The following POLN variants were observed in gnomAD, a reference collection of about 807,000 sequenced individuals.
The protein encoded by POLN is DNA polymerase nu.
POLN carries 108 observed loss-of-function variants against 113.5 expected under a neutral mutation model. The observed-to-expected ratio is 0.95, with a 90% CI of 0.81 to 1.12. The LOEUF (loss-of-function observed/expected upper bound fraction) is 1.12, where lower values mean the gene tolerates loss of function less well. Among genes scored for constraint, POLN ranks in the 50% most tolerant of loss-of-function variants. The pLI, the probability that POLN is intolerant of heterozygous loss-of-function variation, is 0.00. For synonymous variants in POLN, 386 were observed against 391.5 expected (o/e 0.99, Z 0.17); for missense variants, 1,097 against 1,077.1 (o/e 1.02, Z -0.26).
chr4:2,085,580 G>A (rs368879392), intron 21 of POLN, 33 bp downstream of exon 21: 22 of 1,611,162 alleles, frequency 1.4e-5, no homozygotes, highest in Non-Finnish European at 1.8e-5. Flanking sequence ...AGGGTTGGCA[G>A]GGAGCAGGGA....
chr4:2,125,342 G>C (rs1352282961), intron 19 of POLN, among the ~76,000 whole-genome samples: 1 of 152,180 alleles, frequency 6.6e-6, no homozygotes, highest in Admixed American at 6.5e-5. Context: ...CAGTGAGGTG[G>C]GGTGGAAGGG....
Position 2,075,457 on chromosome 4 carries a change from C to T in POLN, c.2450G>A (p.Cys817Tyr). 6.2e-7 allele frequency: 1 copy of T among 1,613,476 alleles called. No homozygotes were observed. The highest frequency in any genetic ancestry group is 8.5e-7 in the Non-Finnish European group (1 of 1,179,996). ...CCTGTGTTGCCCCAGGCTACCTGCA[C>T]ACTCCGGGATCTGCGGATCTTCCAC... ...FEVEDPQIPE[C>Y]AALVRRTMES... Residue 817 changes from cysteine (C) to tyrosine (Y), a missense_variant, in exon 24 of 26, where the codon TGT becomes TAT. By Grantham distance (194) the Cys-to-Tyr change is radical. Transcript: ENST00000511885.
At chr4:2,210,875 C>T (rs1487906890) in intron 4 of POLN, among the ~76,000 whole-genome samples, 2 of 148,462 alleles carry the variant, frequency 1.3e-5, no homozygotes, top group South Asian at 2.1e-4. Flanking sequence ...GAGCCGAGAT[C>T]GCGCCACTGC....
intron 14 of POLN, among the ~76,000 whole-genome samples, chr4:2,158,300 G>A (rs1048191643): frequency 6.6e-6 from 1 of 152,072 alleles, no homozygotes; most frequent in Admixed American, 6.6e-5. Context: ...AGAGTGCCGG[G>A]CACGTGCTGC....
At chr4:2,237,269 A>AT (rs1560104934) in intron 2 of POLN, among the ~76,000 whole-genome samples, 3 of 137,332 alleles carry the variant, frequency 2.2e-5, no homozygotes, top group East Asian at 2.2e-4. Flanking sequence ...CATCTCTACA[A>AT]ATTTTTTTTT....
Position 2,131,267 on chromosome 4 carries a change from G to T in POLN, c.1755C>A (p.His585Gln), listed in dbSNP as rs759616275. The change falls in exon 17 of 26, where the codon CAC (histidine) becomes CAA (glutamine). Residue 585 changes from histidine (H) to glutamine (Q), a missense_variant. By Grantham distance (24) the His-to-Gln change is conservative (BLOSUM62 0). Coordinates refer to ENST00000511885, the MANE Select transcript of POLN (RefSeq NM_181808.4). ...KHPNIQGISK[H>Q]PIQITTPKNF... ...TCTTAGGTGTAGTAATCTGAATTGGGTGCTTGGAGATACCTTGGATATTCT... is the reference window on the plus strand; with the variant it reads ...TCTTAGGTGTAGTAATCTGAATTGGTTGCTTGGAGATACCTTGGATATTCT... 16 of 1,592,978 alleles carry T rather than the reference G, an allele frequency of 1.0e-5. No individual in the cohort carries two copies. Among genetic ancestry groups the T allele is most frequent in the Non-Finnish European group, 1.4e-5 (16 of 1,162,268 alleles).
chr4:2,079,150 A>G (rs1020065131), intron 23 of POLN: 1 of 183,632 alleles, frequency 5.4e-6, no homozygotes, highest in African/African-American at 2.4e-5. Context: ...TATGTTGTTC[A>G]CAAACTTCTG....
chr4:2,156,415 A>C (rs187045873), intron 16 of POLN: 86 of 467,900 alleles, frequency 1.8e-4, no homozygotes, highest in African/African-American at 1.5e-3. Flanking sequence ...CAGCTTCAAC[A>C]ACCACCAAAA....
intron 19 of POLN, among the ~76,000 whole-genome samples, chr4:2,106,676 C>A (rs745881015): frequency 6.6e-6 from 1 of 152,232 alleles, no homozygotes; most frequent in Non-Finnish European, 1.5e-5. Flanking sequence ...TTGCATTTAT[C>A]TTTTATCATA....
intron 19 of POLN, among the ~76,000 whole-genome samples, chr4:2,117,158 T>C (rs1731335849): frequency 6.6e-6 from 1 of 152,162 alleles, no homozygotes; most frequent in Non-Finnish European, 1.5e-5. Context: ...CTGGTGGTTG[T>C]CATGGCAGAA....
At position 2,093,097 on chromosome 4, in the gene POLN, G is replaced by GA. The variant is rs747202969; in HGVS notation, c.2065+2753dup. On this transcript the variant is annotated intron_variant, in intron 20 of 25. Coordinates refer to ENST00000511885, the MANE Select transcript of POLN (RefSeq NM_181808.4). This position sits in a 1 kb window ranked among gnomAD's most constrained non-coding sequence, Gnocchi z 4.1. ...CAAAATGTAGCTCTTTTCCTCTCCA[G>GA]AAAAAAAAAAAAAGTGAATACTCCA... 0.041 allele frequency among the ~76,000 whole-genome samples: 5,843 copies of GA among 141,946 alleles called. 356 individuals carry two copies. Among genetic ancestry groups the GA allele is most frequent in the African/African-American group, 0.13 (5,214 of 39,140 alleles). 93.1% of individuals were successfully genotyped at this position (141,946 alleles called of 152,430 possible).
At chr4:2,193,784 T>C (rs1733511927) in intron 6 of POLN, among the ~76,000 whole-genome samples, 1 of 152,248 alleles carries the variant, frequency 6.6e-6, no homozygotes, top group Non-Finnish European at 1.5e-5. Flanking sequence ...ACTACAATTC[T>C]CTTCCCACAG....
chr4:2,193,898 A>G (rs1407888391), intron 6 of POLN, among the ~76,000 whole-genome samples: 1 of 152,120 alleles, frequency 6.6e-6, no homozygotes, highest in Non-Finnish European at 1.5e-5. Flanking sequence ...CTATCCACAC[A>G]TGTAGTACAG....
chr4:2,125,415 T>C (rs1212565206), intron 19 of POLN, among the ~76,000 whole-genome samples: 1 of 152,088 alleles, frequency 6.6e-6, no homozygotes, highest in Non-Finnish European at 1.5e-5. Context: ...GGGGTTCTTT[T>C]TGGAGATTAA....
At chr4:2,090,320 T>C (rs1469469127) in intron 20 of POLN, 4 of 808,222 alleles carry the variant, frequency 4.9e-6, no homozygotes, top group South Asian at 3.4e-5. Flanking sequence ...CAATCAATAT[T>C]TCATCTGGCA....
At chr4:2,218,831 G>A (rs1014462679) in intron 3 of POLN, among the ~76,000 whole-genome samples, 1 of 152,284 alleles carries the variant, frequency 6.6e-6, no homozygotes, top group South Asian at 2.1e-4. Context: ...CTATAACTTG[G>A]TCACAACTAT....
rs1052288396 is a variant in POLN at position 2,118,571 on chromosome 4, CACAGGTG to C, written c.1982+9535_1982+9541del. Among the ~76,000 whole-genome samples the C allele has an allele frequency of 4.6e-5, 7 of 152,326 alleles. No homozygotes were observed. In the East Asian group the frequency reaches 5.8e-4, roughly 13 times the overall value. On this transcript the variant is annotated intron_variant, in intron 19 of 25. Coordinates refer to ENST00000511885, the MANE Select transcript of POLN (RefSeq NM_181808.4). ...GGATATTATTTGCCTTACAAGTTATCACAGGTGACAGTTTTACCAAATGTTATACCAT... is the reference window on the plus strand; with the variant it reads ...GGATATTATTTGCCTTACAAGTTATCACAGTTTTACCAAATGTTATACCAT...
intron 13 of POLN, among the ~76,000 whole-genome samples, chr4:2,166,168 C>T (rs1732723371): frequency 6.6e-6 from 1 of 152,186 alleles, no homozygotes; most frequent in South Asian, 2.1e-4. Context: ...ATCTACATTC[C>T]TCCCCATGGC....
chr4:2,183,534 C>T (rs1733194784), intron 7 of POLN, among the ~76,000 whole-genome samples: 1 of 152,188 alleles, frequency 6.6e-6, no homozygotes, highest in South Asian at 2.1e-4. Flanking sequence ...CAAAAAGCTA[C>T]ATCAGGCTAA....
Sources: allele counts gnomAD v4.1 joint callset (sites outside exome capture counted in the v4.1 genomes callset), GRCh38; gene constraint gnomAD v4.1.1; non-coding constraint Gnocchi (gnomAD v3.1); transcripts MANE v1.5; gene names NCBI Gene and HGNC (gene_info 2026-07-23, HGNC 2026-07-21).